TOGARAM1: variants seen among roughly 807,000 people sequenced by gnomAD.
TOGARAM1 encodes the protein TOG array regulator of axonemal microtubules 1, also known as TOG array regulator of axonemal microtubules protein 1.
In TOGARAM1, 100 loss-of-function variants were observed where a neutral mutation model predicts 166.6. That is an observed-to-expected ratio of 0.60 (90% CI 0.51 to 0.71). The LOEUF is 0.71. Ranked by LOEUF, TOGARAM1 falls within the 30% of genes least tolerant of loss-of-function variation. The pLI is 0.00. For synonymous variants in TOGARAM1, 758 were observed against 763.8 expected, an observed-to-expected ratio of 0.99 and a Z score of 0.13; for missense variants, 2,029 against 2,102.7, an observed-to-expected ratio of 0.96 and a Z score of 0.69.
intron 2 of TOGARAM1, chr14:44,996,795 T>C (rs1186795159): frequency 6.6e-6 from 1 of 152,286 alleles, no homozygotes; most frequent in African/African-American, 2.4e-5. Flanking sequence ...AACAAGCACG[T>C]CTTACATGGT....
At chr14:45,065,887 A>G (rs916053367) in intron 16 of TOGARAM1, among the ~76,000 whole-genome samples, 2 of 152,220 alleles carry the variant, frequency 1.3e-5, no homozygotes, top group South Asian at 2.1e-4. Flanking sequence ...TTCAGAAAAA[A>G]GTTAACATTG....
chr14:45,055,669 T>G (rs962750335), intron 16 of TOGARAM1, among the ~76,000 whole-genome samples: 19 of 151,708 alleles, frequency 1.3e-4, no homozygotes, highest in Admixed American at 6.6e-4. Flanking sequence ...CCGGGCATGG[T>G]GGAGGGTGCC....
chr14:44,999,349 C>T lies in TOGARAM1; in HGVS notation c.2204-14C>T, dbSNP rs781194781. 217 of 1,534,954 alleles carry T rather than the reference C, an allele frequency of 1.4e-4. No homozygotes were observed. The highest frequency in any genetic ancestry group is 1.9e-4 in the Non-Finnish European group (214 of 1,136,250). On this transcript the variant is annotated splice_polypyrimidine_tract_variant and intron_variant, in intron 2 of 19. Coordinates refer to ENST00000361462, the MANE Select transcript of TOGARAM1 (RefSeq NM_001308120.2). ...CTTTTGCTTTTATGTTTTCTCCCTTCCTTTCTTCAAAAGGTACTACTGGGA... is the reference window on the plus strand; with the variant it reads ...CTTTTGCTTTTATGTTTTCTCCCTTTCTTTCTTCAAAAGGTACTACTGGGA...
chr14:44,989,346 A>G (rs1887013075), intron 1 of TOGARAM1, among the ~76,000 whole-genome samples: 1 of 152,216 alleles, frequency 6.6e-6, no homozygotes, highest in Non-Finnish European at 1.5e-5. Context: ...AGAGTTCCGA[A>G]GTAATGTTAA....
At chr14:44,984,679 G>A (rs975037161) in intron 1 of TOGARAM1, among the ~76,000 whole-genome samples, 1 of 151,808 alleles carries the variant, frequency 6.6e-6, no homozygotes, top group African/African-American at 2.4e-5. Flanking sequence ...GGAAGCTGAC[G>A]TAGAAGGATC....
intron 1 of TOGARAM1, among the ~76,000 whole-genome samples, chr14:44,980,502 G>A (rs530257554): frequency 7.6e-4 from 115 of 152,282 alleles, no homozygotes; most frequent in African/African-American, 2.6e-3. Flanking sequence ...CCAACATAGT[G>A]AAACCTTGTC....
In TOGARAM1 at chr14:44,964,481, A is replaced by G; in HGVS notation, c.2046+14A>G. On this transcript the variant is annotated intron_variant, in intron 1 of 19. Transcript: ENST00000361462. ...GATATAGAGCAGGTATGCTTCTCTA[A>G]TTTTCTTGAGTCGAAAGTGTGAAGA... 6.6e-7 allele frequency: 1 copy of G among 1,522,814 alleles called. No homozygotes were observed. 94.3% of individuals were successfully genotyped at this position (1,522,814 alleles called of 1,614,324 possible).
At chr14:45,069,010 A>G (rs1883262891) in intron 18 of TOGARAM1, among the ~76,000 whole-genome samples, 1 of 152,156 alleles carries the variant, frequency 6.6e-6, no homozygotes, top group African/African-American at 2.4e-5. Flanking sequence ...GTAGAGTTAA[A>G]TGTACAACTT....
At chr14:45,052,343 TG>T in intron 14 of TOGARAM1, 92 bp from the exon 15 acceptor site, 3 of 963,742 alleles carry the variant, frequency 3.1e-6, no homozygotes, top group Non-Finnish European at 4.6e-6. Context: ...GTTTGATAGG[TG>T]TTTTTTTTCT....
At position 45,026,835 on chromosome 14, in the gene TOGARAM1, C is replaced by CA. The variant is rs57156294; in HGVS notation, c.3329-450dup. 3.9e-3 allele frequency among the ~76,000 whole-genome samples: 545 copies of CA among 139,576 alleles called. 3 individuals carry two copies. The highest frequency in any genetic ancestry group is 7.6e-3 in the African/African-American group (291 of 38,068). The allele number at this position is 139,576 out of a possible 152,430, so 91.6% of individuals were successfully genotyped here. A position where few individuals can be genotyped will look rare whatever the true frequency, so the allele number is the denominator to read the frequency against. ...CAACATGGCAAAACCCCATCTCTAC[C>CA]AAAAAAAAAAAAAATACAAAAAATT... is the stretch of plus-strand genomic sequence containing the variant. On this transcript the variant is annotated intron_variant, in intron 8 of 19. Coordinates refer to ENST00000361462, the MANE Select transcript of TOGARAM1 (RefSeq NM_001308120.2).
intron 16 of TOGARAM1, among the ~76,000 whole-genome samples, chr14:45,059,659 AAAAACAAAACAAAAC>A (rs530739583): frequency 6.6e-6 from 1 of 151,882 alleles, no homozygotes; most frequent in South Asian, 2.1e-4. Flanking sequence ...CTGTCTCAAA[AAAAACAAAACAAAAC>A]AAAACAAAAC....
In TOGARAM1 at chr14:44,962,834, G is replaced by C; in HGVS notation, c.413G>C (p.Arg138Pro). The C allele has an allele frequency of 2.5e-6, 4 of 1,613,126 alleles. No individual in the cohort carries two copies. The highest frequency in any genetic ancestry group is 3.4e-6 in the Non-Finnish European group (4 of 1,180,022). Reference protein sequence around the residue: ...GFPRRKEALYRALGRVLVEGG... With the variant: ...GFPRRKEALYPALGRVLVEGG... ...CCCCGACGCAAGGAAGCTTTGTATC[G>C]GGCACTGGGCCGAGTGCTTGTGGAA... Residue 138 changes from arginine to proline, a missense_variant, in exon 1 of 20, where the codon CGG (arginine) becomes CCG (proline). Around this residue, in one of 2 missense-constraint regions of TOGARAM1, gnomAD observed 1,453 missense variants for 1,432.2 expected, o/e 1.01. Coordinates refer to ENST00000361462, the MANE Select transcript of TOGARAM1 (RefSeq NM_001308120.2).
At chr14:45,017,467 A>C (rs998718344) in intron 7 of TOGARAM1, among the ~76,000 whole-genome samples, 7 of 152,244 alleles carry the variant, frequency 4.6e-5, no homozygotes, top group African/African-American at 1.7e-4. Context: ...CTAAAATGGA[A>C]TGGAAGATCA....
chr14:45,012,204 C>G (rs1016015733), intron 7 of TOGARAM1, 129 bp downstream of exon 7: 2 of 543,046 alleles, frequency 3.7e-6, no homozygotes, highest in Non-Finnish European at 6.4e-6. Flanking sequence ...TTTTTTTACT[C>G]CTTAAAAGGT....
At chr14:45,000,283 G>T (rs1323617192) in intron 3 of TOGARAM1, among the ~76,000 whole-genome samples, 1 of 152,150 alleles carries the variant, frequency 6.6e-6, no homozygotes, top group African/African-American at 2.4e-5. Context: ...ATAGGCATGA[G>T]CCACTGTGCC....
chr14:45,052,260 C>T (rs1405943177), intron 14 of TOGARAM1, among the ~76,000 whole-genome samples, 176 bp from the exon 15 acceptor site: 1 of 152,034 alleles, frequency 6.6e-6, no homozygotes, highest in African/African-American at 2.4e-5. Flanking sequence ...CCATCTGTAC[C>T]CTCTAGGGTA....
At chr14:45,070,707 A>G (rs901266805) in intron 18 of TOGARAM1, among the ~76,000 whole-genome samples, 1 of 152,192 alleles carries the variant, frequency 6.6e-6, no homozygotes, top group Admixed American at 6.5e-5. Flanking sequence ...AAAGTTAAAC[A>G]CGAATTTTCA....
intron 1 of TOGARAM1, among the ~76,000 whole-genome samples, chr14:44,984,224 T>C (rs1221514921): frequency 1.3e-5 from 2 of 152,054 alleles, no homozygotes. Flanking sequence ...CCATATCTTT[T>C]AGAAGAAATA....
intron 6 of TOGARAM1, 90 bp from the exon 7 acceptor site, chr14:45,011,885 G>T: frequency 1.2e-6 from 1 of 862,324 alleles, no homozygotes; most frequent in South Asian, 1.9e-5. Context: ...AAAGGTCTGT[G>T]AGTTAATAAG....
Sources: gnomAD v4.1 joint callset for allele counts (sites outside exome capture counted in the v4.1 genomes callset) on GRCh38, gnomAD v4.1.1 for gene constraint, gnomAD v4.1.1 regional missense constraint, MANE v1.5 for transcripts, NCBI Gene and HGNC (gene_info 2026-07-23, HGNC 2026-07-21) for gene names.